Variants in AP1G1 observed in about 807,000 individuals in gnomAD.
The protein encoded by AP1G1 is adaptor related protein complex 1 subunit gamma 1.
In AP1G1, 7 loss-of-function variants were observed where a neutral mutation model predicts 108.3. The ratio of observed to expected loss-of-function variants is 0.06; its 90% CI spans 0.04 to 0.12. AP1G1 has a LOEUF of 0.12. Ranked by LOEUF, AP1G1 falls within the 10% of genes least tolerant of loss-of-function variation. The pLI is 1.00. For synonymous variants in AP1G1, 379 were observed against 353.5 expected, an observed-to-expected ratio of 1.07 and a Z score of -0.81; for missense variants, 756 against 1,010.7, an observed-to-expected ratio of 0.75 and a Z score of 3.42.
intron 6 of AP1G1, among the ~76,000 whole-genome samples, chr16:71,767,408 G>C (rs2031359905): frequency 6.6e-6 from 1 of 152,176 alleles, no homozygotes; most frequent in South Asian, 2.1e-4. Context: ...GTAAGATTAA[G>C]TACAGGTAAG....
At chr16:71,760,623 C>G (rs2031041007) in intron 10 of AP1G1, among the ~76,000 whole-genome samples, 1 of 152,008 alleles carries the variant, frequency 6.6e-6, no homozygotes, top group Non-Finnish European at 1.5e-5. Context: ...CAGCTCACTG[C>G]AGCTTTAACC....
At chr16:71,775,203 T>G (rs563200417) in intron 2 of AP1G1, among the ~76,000 whole-genome samples, 6 of 151,128 alleles carry the variant, frequency 4.0e-5, no homozygotes, top group Non-Finnish European at 8.8e-5. Context: ...ATTTTTTTTT[T>G]GTATTTTTAG....
intron 13 of AP1G1, 178 bp from the exon 14 acceptor site, chr16:71,750,510 GT>G: frequency 3.4e-6 from 2 of 582,236 alleles, no homozygotes; most frequent in Non-Finnish European, 5.8e-6. Context: ...CACCTCCCAG[GT>G]TCAAGCGATT....
At chr16:71,741,449 G>A (rs2045620487) in intron 19 of AP1G1, among the ~76,000 whole-genome samples, 1 of 152,168 alleles carries the variant, frequency 6.6e-6, no homozygotes, top group Non-Finnish European at 1.5e-5. Context: ...CGGGTGTGGT[G>A]GCACGCGCCT....
chr16:71,767,533 A>G (rs9930271), intron 6 of AP1G1, among the ~76,000 whole-genome samples: 5,713 of 152,292 alleles, frequency 0.038, 359 homozygotes, highest in African/African-American at 0.13. Flanking sequence ...AAGCAGCAGC[A>G]TTTTGTGTCA....
intron 12 of AP1G1, among the ~76,000 whole-genome samples, chr16:71,755,024 G>A (rs568314393): frequency 2.0e-5 from 3 of 152,134 alleles, no homozygotes; most frequent in Non-Finnish European, 4.4e-5. Flanking sequence ...AATTCAGAGT[G>A]GAAAGAAGAG....
At chr16:71,756,253 C>T in intron 11 of AP1G1, 94 bp from the exon 12 acceptor site, 1 of 1,167,392 alleles carries the variant, frequency 8.6e-7, no homozygotes, top group Non-Finnish European at 1.2e-6. Flanking sequence ...CAAGTACTGC[C>T]AGATGTGCTG....
At chr16:71,745,710 T>A (rs112147704) in intron 17 of AP1G1, 96 bp from the exon 18 acceptor site, 33 of 1,011,282 alleles carry the variant, frequency 3.3e-5, no homozygotes, top group African/African-American at 2.7e-4. Context: ...AGCATGGAGA[T>A]CTATCTCCCC....
intron 12 of AP1G1, 128 bp from the exon 13 acceptor site, chr16:71,754,015 G>C (rs3764309): frequency 0.15 from 123,290 of 815,370 alleles, 12,773 homozygotes; most frequent in South Asian, 0.39. Flanking sequence ...CGAGGTGGGA[G>C]ATCACCTGAG....
chr16:71,768,689 G>A (rs1224477200), intron 6 of AP1G1, among the ~76,000 whole-genome samples: 2 of 150,388 alleles, frequency 1.3e-5, no homozygotes, highest in African/African-American at 4.9e-5. Flanking sequence ...GCTGAGGCGG[G>A]TGGATCACGA....
intron 2 of AP1G1, among the ~76,000 whole-genome samples, chr16:71,783,824 T>C (rs1189067151): frequency 6.6e-6 from 1 of 152,216 alleles, no homozygotes; most frequent in Non-Finnish European, 1.5e-5. Context: ...AATTCTTTTT[T>C]CTTTTTTATG....
chr16:71,789,224 C>A, intron 2 of AP1G1, 55 bp downstream of exon 2: 1 of 1,505,796 alleles, frequency 6.6e-7, no homozygotes, highest in Non-Finnish European at 9.1e-7. Context: ...TGGACAATCC[C>A]TGAGCAACAA....
chr16:71,733,523 A>AATTCT (rs2045495729), intron 22 of AP1G1, among the ~76,000 whole-genome samples: 8 of 4,884 alleles, frequency 1.6e-3, no homozygotes, highest in Admixed American at 3.6e-3. Context: ...TCACCGCCAC[A>AATTCT]CCAGACTAAT....
At chr16:71,759,395 C>T (rs572186334) in intron 10 of AP1G1, among the ~76,000 whole-genome samples, 6 of 151,904 alleles carry the variant, frequency 3.9e-5, no homozygotes, top group African/African-American at 9.7e-5. Context: ...TGGGAGGCTG[C>T]GGTTGCAGTG....
At chr16:71,778,631 T>A (rs1171905959) in intron 2 of AP1G1, among the ~76,000 whole-genome samples, 1 of 147,740 alleles carries the variant, frequency 6.8e-6, no homozygotes. Flanking sequence ...TGCAGTGAGC[T>A]GAGATCGCGC....
intron 2 of AP1G1, among the ~76,000 whole-genome samples, chr16:71,789,018 C>G (rs2145524400): frequency 6.6e-6 from 1 of 152,244 alleles, no homozygotes; most frequent in South Asian, 2.1e-4. Context: ...CCACATAATC[C>G]TGGTCAATCT....
At chr16:71,788,666 TTA>T (rs1491573095) in intron 2 of AP1G1, among the ~76,000 whole-genome samples, 127 of 122,068 alleles carry the variant, frequency 1.0e-3, no homozygotes, top group Non-Finnish European at 1.5e-3. Context: ...GCTTTTTTTT[TTA>T]AAAAAAAAAG....
At chr16:71,762,506 C>T (rs2031135470) in intron 9 of AP1G1, among the ~76,000 whole-genome samples, 1 of 152,104 alleles carries the variant, frequency 6.6e-6, no homozygotes, top group Admixed American at 6.6e-5. Flanking sequence ...CATCCCCCAA[C>T]CTTGGGGAGG....
intron 11 of AP1G1, among the ~76,000 whole-genome samples, chr16:71,758,148 T>G (rs1476033647): frequency 1.3e-5 from 2 of 152,248 alleles, no homozygotes; most frequent in East Asian, 1.9e-4. Context: ...CTGAATGGTT[T>G]CAGAGATCAC....
Sources: allele counts gnomAD v4.1 joint callset (sites outside exome capture counted in the v4.1 genomes callset), GRCh38; gene constraint gnomAD v4.1.1; transcripts MANE v1.5; gene names NCBI Gene and HGNC (gene_info 2026-07-23, HGNC 2026-07-21).